The following PRKX variants were observed in gnomAD, a reference collection of about 807,000 sequenced individuals.
The protein encoded by PRKX is protein kinase cAMP-dependent X-linked catalytic subunit.
PRKX carries 12 observed loss-of-function variants against 22.0 expected under a neutral mutation model. The observed-to-expected ratio is 0.54, with a 90% CI of 0.35 to 0.88. PRKX has a LOEUF of 0.88. Among genes scored for constraint, PRKX ranks in the 40% least tolerant of loss-of-function variants. PRKX has a pLI of 0.01. For missense variants in PRKX, 217 were observed against 308.0 expected (o/e 0.70, Z 2.21); for synonymous variants, 134 against 137.7 (o/e 0.97, Z 0.19).
chrX:3,653,890 T>C (rs1444884406), intron 3 of PRKX, among the ~76,000 whole-genome samples: 2 of 66,394 alleles, frequency 3.0e-5, no homozygotes. Context: ...ATATATATAT[T>C]ATATATATTA....
intron 1 of PRKX, among the ~76,000 whole-genome samples, chrX:3,686,582 G>C (rs1159545176): frequency 1.9e-5 from 2 of 107,015 alleles, no homozygotes. Context: ...TTTTGAGACA[G>C]AGTCTCATTC....
At chrX:3,700,859 C>G (rs1336496235) in intron 1 of PRKX, among the ~76,000 whole-genome samples, 14 of 111,366 alleles carry the variant, frequency 1.3e-4, no homozygotes, top group African/African-American at 4.3e-4. Context: ...CTCAACCTCC[C>G]AAAGTGTTGG....
intron 4 of PRKX, among the ~76,000 whole-genome samples, chrX:3,629,021 C>G (rs1482462331): frequency 2.7e-5 from 3 of 111,749 alleles, no homozygotes; most frequent in Non-Finnish European, 3.8e-5. Context: ...GCCTGGGTGA[C>G]AGAGAGAGAT....
chrX:3,617,129 CAT>C (rs1218924289), intron 6 of PRKX, among the ~76,000 whole-genome samples: 3 of 92,745 alleles, frequency 3.2e-5, no homozygotes, highest in Admixed American at 1.2e-4. Context: ...TATATACACA[CAT>C]ATATTTATAT....
rs1180435800 is a variant in PRKX at position 3,615,728 on chromosome X, T to A, written c.951+87A>T. ...ATATAAATTAATCACATGTCAGCCA[T>A]CAATAAAGAAGTCCCAGGATTCAGA... On this transcript the variant is annotated intron_variant, in intron 7 of 8. Transcript: ENST00000262848. The A allele has an allele frequency of 9.5e-6, 7 of 734,387 alleles. No individual in the cohort carries two copies. The East Asian group carries it at 2.5e-4, about 26-fold the overall frequency. The allele number at this position is 734,387 out of a possible 1,213,427, so 60.5% of individuals were successfully genotyped here.
At chrX:3,712,995 A>G in intron 1 of PRKX, 93 bp downstream of exon 1, 5 of 1,003,206 alleles carry the variant, frequency 5.0e-6, no homozygotes, top group Non-Finnish European at 6.5e-6. Context: ...GGCCCTCCCC[A>G]GGAGGTCGGC....
chrX:3,613,127 G>A (rs1926333444), intron 7 of PRKX, among the ~76,000 whole-genome samples: 1 of 69,731 alleles, frequency 1.4e-5, no homozygotes, highest in Non-Finnish European at 2.6e-5. Context: ...CTCCAGCCTG[G>A]GCAACGGAGC....
chrX:3,674,908 T>C, intron 1 of PRKX, 142 bp from the exon 2 acceptor site: 1 of 655,000 alleles, frequency 1.5e-6, no homozygotes, highest in Non-Finnish European at 2.4e-6. Context: ...TGTGTCATGG[T>C]GCACGTGGGC....
rs190593421 is a variant in PRKX, at chrX:3,614,900, T to C, written c.951+915A>G. Among the ~76,000 whole-genome samples the C allele has an allele frequency of 5.4e-5, 6 of 110,368 alleles. No individual in the cohort carries two copies. The East Asian group carries it at 1.7e-3, about 31-fold the overall frequency. On this transcript the variant is annotated intron_variant, in intron 7 of 8. Coordinates refer to ENST00000262848, the MANE Select transcript of PRKX (RefSeq NM_005044.5). ...TACCCCCATAAATATGTACCTGTGA[T>C]AGTTACACTGCTTAGCAGCTGTGTA...
At chrX:3,667,628 G>C (rs758395322) in intron 2 of PRKX, 7 of 110,604 alleles carry the variant, frequency 6.3e-5, no homozygotes, top group African/African-American at 2.3e-4. Flanking sequence ...TCTCTCCCTG[G>C]ATCTCCTCAC....
At chrX:3,632,241 G>A (rs1332147726) in intron 4 of PRKX, among the ~76,000 whole-genome samples, 3 of 111,343 alleles carry the variant, frequency 2.7e-5, no homozygotes, top group Non-Finnish European at 3.8e-5. Context: ...TCTTTGGGCC[G>A]CTGGTCCTGG....
chrX:3,662,001 C>G (rs1371758253), intron 2 of PRKX, among the ~76,000 whole-genome samples: 1 of 112,058 alleles, frequency 8.9e-6, no homozygotes, highest in African/African-American at 3.2e-5. Flanking sequence ...CAGTAACTCA[C>G]CAGCCACATT....
chrX:3,632,205 G>A lies in PRKX; in HGVS notation c.720-5691C>T, dbSNP rs180773818. On this transcript the variant is annotated intron_variant, in intron 4 of 8. Transcript: ENST00000262848. ...AGTTGCTTGTTTTGCACTTTAGCATGAAGGTGAGTTTCCCAATAGGGTATC... is the reference window on the plus strand; with the variant it reads ...AGTTGCTTGTTTTGCACTTTAGCATAAAGGTGAGTTTCCCAATAGGGTATC... Among the ~76,000 whole-genome samples the A allele has an allele frequency of 7.3e-4, 81 of 111,597 alleles. 1 individual carries two copies. Among genetic ancestry groups the A allele is most frequent in the Non-Finnish European group, 1.1e-3 (58 of 53,117 alleles).
At chrX:3,652,308 C>T (rs1927351085) in intron 3 of PRKX, among the ~76,000 whole-genome samples, 1 of 110,434 alleles carries the variant, frequency 9.1e-6, no homozygotes, top group Non-Finnish European at 1.9e-5. Flanking sequence ...GTCCCAGCTA[C>T]TTGGGGGGCT....
Position 3,637,565 on chromosome X carries a change from C to G in PRKX, c.719+4287G>C, listed in dbSNP as rs142939037. ...AGCTGGTAACTCTCAAAACACCCAC[C>G]CATGTGAAGAGACACAGGGCTGCTG... On this transcript the variant is annotated intron_variant, in intron 4 of 8. Transcript: ENST00000262848. Among the ~76,000 whole-genome samples, 527 of 110,764 alleles carry G rather than the reference C, an allele frequency of 4.8e-3. 1 individual carries two copies. Among genetic ancestry groups the G allele is most frequent in the African/African-American group, 0.016 (490 of 30,460 alleles).
intron 1 of PRKX, among the ~76,000 whole-genome samples, chrX:3,682,388 G>C (rs6641605): frequency 0.17 from 19,076 of 110,171 alleles, 1,362 homozygotes; most frequent in East Asian, 0.42. Context: ...TGGTACCTGT[G>C]AATGGGACCT....
intron 3 of PRKX, among the ~76,000 whole-genome samples, chrX:3,653,657 AATATACTAT>A: frequency 1.4e-5 from 1 of 72,000 alleles, no homozygotes; most frequent in African/African-American, 5.0e-5. Context: ...TATTATATAT[AATATACTAT>A]GTGATATATA....
At chrX:3,621,233 G>C in intron 6 of PRKX, 26 bp downstream of exon 6, 1 of 1,187,516 alleles carries the variant, frequency 8.4e-7, no homozygotes, top group Non-Finnish European at 1.1e-6. Context: ...GGGTACCACT[G>C]AATACCCACG....
intron 1 of PRKX, among the ~76,000 whole-genome samples, chrX:3,705,373 A>G (rs1928661027): frequency 9.0e-6 from 1 of 111,146 alleles, no homozygotes; most frequent in African/African-American, 3.3e-5. Context: ...TAACACCATT[A>G]CCTTGGGGAT....
Sources: allele counts gnomAD v4.1 joint callset (sites outside exome capture counted in the v4.1 genomes callset), GRCh38; gene constraint gnomAD v4.1.1; transcripts MANE v1.5; gene names NCBI Gene and HGNC (gene_info 2026-07-23, HGNC 2026-07-21).